The following CD99L2 variants were observed in gnomAD, a reference collection of about 807,000 sequenced individuals.
The protein encoded by CD99L2 is CD99 molecule like 2.
A neutral mutation model predicts 27.3 loss-of-function variants in CD99L2; 24 were observed. The observed-to-expected ratio is 0.88, with a 90% CI of 0.64 to 1.24. The LOEUF (loss-of-function observed/expected upper bound fraction) is 1.24. Ranked by LOEUF, CD99L2 falls within the 50% of genes most tolerant of loss-of-function variation. CD99L2 has a pLI of 0.00. For synonymous variants in CD99L2, 97 were observed against 87.9 expected, an observed-to-expected ratio of 1.10 and a Z score of -0.58; for missense variants, 255 against 221.6, an observed-to-expected ratio of 1.15 and a Z score of -0.96.
chrX:150,852,614 T>C (rs1371567507), intron 1 of CD99L2, among the ~76,000 whole-genome samples: 1 of 110,585 alleles, frequency 9.0e-6, no homozygotes, highest in Admixed American at 9.7e-5. Flanking sequence ...TCCATCCTCC[T>C]CATCATCCCT....
intron 1 of CD99L2, among the ~76,000 whole-genome samples, chrX:150,847,009 C>A (rs1366922502): frequency 2.7e-5 from 3 of 112,410 alleles, no homozygotes; most frequent in African/African-American, 9.7e-5. Context: ...CCTCAGAAAT[C>A]ATCAAGATTT....
chrX:150,896,041 A>G (rs2047602461), intron 1 of CD99L2, among the ~76,000 whole-genome samples: 1 of 108,312 alleles, frequency 9.2e-6, no homozygotes, highest in African/African-American at 3.4e-5. Flanking sequence ...AAAAAAAAAA[A>G]AAAAAGATCC....
chrX:150,883,057 C>T (rs782428361), intron 1 of CD99L2, among the ~76,000 whole-genome samples: 5 of 111,817 alleles, frequency 4.5e-5, no homozygotes, highest in African/African-American at 1.3e-4. Flanking sequence ...GTAATCCCAG[C>T]TACTCGGGAG....
At chrX:150,793,923 G>C (rs188975570) in intron 6 of CD99L2, among the ~76,000 whole-genome samples, 167 bp from the exon 7 acceptor site, 1 of 111,144 alleles carries the variant, frequency 9.0e-6, no homozygotes, top group Non-Finnish European at 1.9e-5. Flanking sequence ...TGGTGTACAT[G>C]TCCCGCATAA....
intron 7 of CD99L2, among the ~76,000 whole-genome samples, chrX:150,784,489 G>A (rs913749556): frequency 8.9e-6 from 1 of 111,784 alleles, no homozygotes; most frequent in East Asian, 2.8e-4. Context: ...GAGCTCATGT[G>A]GGGGAAAGCT....
intron 1 of CD99L2, among the ~76,000 whole-genome samples, chrX:150,855,227 G>A (rs1318114420): frequency 4.5e-5 from 5 of 112,249 alleles, no homozygotes; most frequent in Non-Finnish European, 1.9e-5. Context: ...GATGTAATGA[G>A]TTAAGGTGAG....
chrX:150,815,975 C>T (rs371991585), intron 3 of CD99L2, 32 bp downstream of exon 3: 28 of 1,190,614 alleles, frequency 2.4e-5, no homozygotes, highest in African/African-American at 1.4e-4. Context: ...GAGGGCCCTT[C>T]CTCACTGCCC....
intron 4 of CD99L2, among the ~76,000 whole-genome samples, chrX:150,813,631 G>GCC (rs2046105952): frequency 3.6e-5 from 4 of 111,699 alleles, no homozygotes; most frequent in Non-Finnish European, 7.5e-5. Flanking sequence ...ATGAGAGCAC[G>GCC]ACCTTTTAAT....
intron 1 of CD99L2, among the ~76,000 whole-genome samples, chrX:150,858,737 C>T (rs887036195): frequency 9.0e-6 from 1 of 111,717 alleles, no homozygotes; most frequent in East Asian, 2.8e-4. Flanking sequence ...TAAACACCTA[C>T]ATCAAAAAGT....
intron 10 of CD99L2, 103 bp from the exon 11 acceptor site, chrX:150,769,204 T>C (rs1318008990): frequency 2.1e-6 from 2 of 973,072 alleles, no homozygotes; most frequent in African/African-American, 4.1e-5. Flanking sequence ...GGTTTCCCTT[T>C]GTATCCCCTG....
In CD99L2 at chrX:150,766,871, C is replaced by T. The variant is rs2043321322; in HGVS notation, c.*2163G>A. 1 of 111,967 alleles carries T rather than the reference C, an allele frequency of 8.9e-6. No individual in the cohort carries two copies. Among genetic ancestry groups the T allele is most frequent in the African/African-American group, 3.3e-5 (1 of 30,762 alleles). The allele number at this position is 111,967 out of a possible 1,213,427, so 9.2% of individuals were successfully genotyped here. On this transcript the variant is annotated 3_prime_UTR_variant, in exon 11 of 11. Transcript: ENST00000370377. The stretch of plus-strand genomic sequence containing the variant: ...AGGCATGTCCAGTCACTAGGAGCTG[C>T]CACCGGTGGGCTTGAGTGCCAGGCT...
intron 4 of CD99L2, among the ~76,000 whole-genome samples, chrX:150,809,759 T>G (rs1337472722): frequency 5.3e-5 from 6 of 112,236 alleles, no homozygotes; most frequent in Non-Finnish European, 7.5e-5. Context: ...TTGCCAATTT[T>G]GATGTCTAAA....
intron 1 of CD99L2, among the ~76,000 whole-genome samples, chrX:150,861,872 C>A (rs67228852): frequency 0.058 from 6,213 of 106,808 alleles, 209 homozygotes; most frequent in African/African-American, 0.12. Flanking sequence ...CTCCACTGTA[C>A]TCCAGCCTGG....
chrX:150,801,546 T>G (rs1557420082), intron 4 of CD99L2, among the ~76,000 whole-genome samples: 1 of 110,437 alleles, frequency 9.1e-6, no homozygotes, highest in Non-Finnish European at 1.9e-5. Context: ...GGTCCCTCCC[T>G]AGATGCCTGG....
At chrX:150,796,223 G>C (rs959731652) in intron 4 of CD99L2, among the ~76,000 whole-genome samples, 17 of 112,478 alleles carry the variant, frequency 1.5e-4, no homozygotes, top group African/African-American at 5.5e-4. Context: ...GAGTTTTACA[G>C]AGCAATAATG....
rs782454755 is a variant in CD99L2, at chrX:150,773,187, C to T, written c.656-2818G>A. Reference sequence around the variant, plus strand: ...TTTTAATTCCAGAGCAGAAGGAAGTCGAGATACCCTTGATGGGGAAACTGA... The same window carrying T: ...TTTTAATTCCAGAGCAGAAGGAAGTTGAGATACCCTTGATGGGGAAACTGA... On this transcript the variant is annotated intron_variant, in intron 9 of 10. Transcript: ENST00000370377. Among the ~76,000 whole-genome samples the T allele has an allele frequency of 4.0e-4, 45 of 112,215 alleles. 2 individuals carry two copies. The highest frequency in any genetic ancestry group is 9.4e-5 in the Admixed American group (1 of 10,671).
intron 7 of CD99L2, among the ~76,000 whole-genome samples, chrX:150,783,104 T>G (rs980815794): frequency 4.3e-4 from 38 of 88,640 alleles, no homozygotes; most frequent in Non-Finnish European, 7.1e-4. Context: ...TGAGAACACA[T>G]GGACACAGGG....
At chrX:150,781,933 T>A (rs1284004508) in intron 7 of CD99L2, among the ~76,000 whole-genome samples, 1 of 112,219 alleles carries the variant, frequency 8.9e-6, no homozygotes, top group Non-Finnish European at 1.9e-5. Flanking sequence ...TACGCATACA[T>A]GGCAGCCTTG....
At chrX:150,779,213 C>T (rs781935447) in intron 7 of CD99L2, among the ~76,000 whole-genome samples, 1 of 112,121 alleles carries the variant, frequency 8.9e-6, no homozygotes, top group Admixed American at 9.4e-5. Flanking sequence ...TTCCTAATTT[C>T]CCCCCAGGGA....
Sources: allele counts gnomAD v4.1 joint callset (sites outside exome capture counted in the v4.1 genomes callset), GRCh38; gene constraint gnomAD v4.1.1; transcripts MANE v1.5; gene names NCBI Gene and HGNC (gene_info 2026-07-23, HGNC 2026-07-21).